TP73: variants seen among roughly 807,000 people sequenced by gnomAD.
The protein encoded by TP73 is tumor protein p73, also known as p53-like transcription factor.
Under a neutral mutation model 62.5 loss-of-function variants are expected in TP73, and 25 were observed. That is an observed-to-expected ratio of 0.40 (90% confidence interval 0.29 to 0.56). The LOEUF is 0.56. TP73 is among the 20% of genes least tolerant of loss of function. The pLI, the probability that TP73 is intolerant of heterozygous loss-of-function variation, is 0.46. For missense variants in TP73, 754 were observed against 913.3 expected (o/e 0.83, Z 2.25); for synonymous variants, 423 against 377.5 (o/e 1.12, Z -1.40).
chr1:3,695,232 G>A (rs530909385), intron 3 of TP73, among the ~76,000 whole-genome samples: 74 of 152,340 alleles, frequency 4.9e-4, no homozygotes, highest in African/African-American at 1.7e-3. Context: ...CGCTGGAGAC[G>A]TCGGAGCTGG....
intron 6 of TP73, among the ~76,000 whole-genome samples, chr1:3,726,148 GTGGATGGATGGT>G (rs1429891024): frequency 7.7e-6 from 1 of 130,220 alleles, no homozygotes; most frequent in East Asian, 2.4e-4. Flanking sequence ...GGATGGGTGG[GTGGATGGATGGT>G]TGGATGGATG....
At chr1:3,682,493 G>T (rs1645548639) in intron 2 of TP73, 63 bp downstream of exon 2, 1 of 1,378,516 alleles carries the variant, frequency 7.3e-7, no homozygotes, top group Non-Finnish European at 9.6e-7. Flanking sequence ...GCTAGCCTCA[G>T]CCACCTTCGC....
At chr1:3,681,366 G>A (rs945163225) in intron 1 of TP73, among the ~76,000 whole-genome samples, 9 of 152,292 alleles carry the variant, frequency 5.9e-5, no homozygotes, top group South Asian at 2.1e-4. Context: ...GGGTGGGCTC[G>A]GGTTTCCCTG....
intron 6 of TP73, among the ~76,000 whole-genome samples, chr1:3,724,560 G>A (rs1280289958): frequency 3.3e-5 from 5 of 152,218 alleles, no homozygotes; most frequent in Non-Finnish European, 7.3e-5. Flanking sequence ...CACCTGCCTA[G>A]GCCTGCCAGG....
chr1:3,707,917 C>T (rs1639809807), intron 4 of TP73, 126 bp downstream of exon 4: 1 of 1,438,620 alleles, frequency 7.0e-7, no homozygotes, highest in African/African-American at 1.4e-5. Flanking sequence ...CCCACCTGGC[C>T]CGGGCCAGGA....
chr1:3,724,514 G>T (rs1641347021), intron 6 of TP73, among the ~76,000 whole-genome samples: 1 of 152,126 alleles, frequency 6.6e-6, no homozygotes, highest in Non-Finnish European at 1.5e-5. Flanking sequence ...CAGAACCAGG[G>T]CCCGGGAGGG....
chr1:3,674,301 C>T (rs1210235162), intron 1 of TP73, among the ~76,000 whole-genome samples: 2 of 152,218 alleles, frequency 1.3e-5, no homozygotes, highest in Non-Finnish European at 2.9e-5. Flanking sequence ...GGGCCACGGC[C>T]CAGGAGAGAG....
At chr1:3,727,040 AGCTGGGGGCTG>A in intron 6 of TP73, 64 bp from the exon 7 acceptor site, 1 of 1,301,628 alleles carries the variant, frequency 7.7e-7, no homozygotes, top group Non-Finnish European at 1.1e-6. Flanking sequence ...CCAGACATGG[AGCTGGGGGCTG>A]CCACCTTAGT....
At chr1:3,657,896 AG>A (rs1457505101) in intron 1 of TP73, among the ~76,000 whole-genome samples, 1 of 133,188 alleles carries the variant, frequency 7.5e-6, no homozygotes, top group Non-Finnish European at 1.6e-5. Flanking sequence ...GCCCCCAGTT[AG>A]GGACAGAAAC....
At chr1:3,688,563 G>A (rs548554183) in intron 3 of TP73, among the ~76,000 whole-genome samples, 1 of 152,308 alleles carries the variant, frequency 6.6e-6, no homozygotes, top group South Asian at 2.1e-4. Flanking sequence ...AAAGCAGAAT[G>A]GAGGACCCAG....
Position 3,722,041 on chromosome 1 carries a change from A to G in TP73, c.450A>G (p.Lys150=), listed in dbSNP as rs1570603293. Residue 150 remains lysine (K), a synonymous_variant, in exon 5 of 14, where the codon AAA becomes AAG. Coordinates refer to ENST00000378295, the MANE Select transcript of TP73 (RefSeq NM_005427.4). ...ATWTYSPLLK[K]LYCQIAKTCP... is the part of the protein sequence containing the mutation. The stretch of plus-strand genomic sequence containing the variant: ...TCCAGTACTCCCCGCTCTTGAAGAA[A>G]CTCTACTGCCAGATCGCCAAGACAT... 2 of 1,608,020 alleles carry G rather than the reference A, an allele frequency of 1.2e-6. No homozygotes were observed. The highest frequency in any genetic ancestry group is 4.5e-5 in the East Asian group (2 of 44,702).
At position 3,732,976 on chromosome 1, in the gene TP73, G is replaced by GCGGCGGCCCTGA. The variant is rs1642255857; in HGVS notation, c.1811_1822dup (p.Gly604_Asp607dup). ...ACCATCCCCAACCGCGGCGGCCCAG[G>GCGGCGGCCCTGA]CGGCGGCCCTGACGAGTGGGCGGAC... On this transcript the variant is annotated inframe_insertion, in exon 14 of 14. Coordinates refer to ENST00000378295, the MANE Select transcript of TP73 (RefSeq NM_005427.4). The GCGGCGGCCCTGA allele has an allele frequency of 6.3e-7, 1 of 1,599,146 alleles. No individual in the cohort carries two copies.
Position 3,653,056 on chromosome 1 carries a change from C to T in TP73, c.-34+415C>T, listed in dbSNP as rs184600183. On this transcript the variant is annotated intron_variant, in intron 1 of 13. Transcript: ENST00000378295. Reference sequence around the variant, plus strand: ...GAAATCGCCAGCAAGCTCCTCCCCGCCCGCGCGCTCCCTCCGACCTGCAGG... The same window carrying T: ...GAAATCGCCAGCAAGCTCCTCCCCGTCCGCGCGCTCCCTCCGACCTGCAGG... Among the ~76,000 whole-genome samples, 1,184 of 152,344 alleles carry T rather than the reference C, an allele frequency of 7.8e-3. 16 individuals are homozygous for T. The highest frequency in any genetic ancestry group is 0.027 in the African/African-American group (1,120 of 41,580).
chr1:3,707,224 C>T (rs187227955), intron 3 of TP73, among the ~76,000 whole-genome samples: 11 of 152,284 alleles, frequency 7.2e-5, no homozygotes, highest in East Asian at 1.9e-4. Context: ...CAGTGAAGCC[C>T]GTGTGGGCAT....
chr1:3,707,633 G>A lies in TP73; in HGVS notation c.271G>A (p.Ala91Thr), dbSNP rs965318245. The A allele has an allele frequency of 1.1e-5, 18 of 1,612,742 alleles. No individual in the cohort carries two copies. The highest frequency in any genetic ancestry group is 1.6e-4 in the Middle Eastern group (1 of 6,084). ...SASPYTPEHA[A>T]SVPTHSPYAQ... Reference sequence around the variant, plus strand: ...CAGCCCCTACACCCCAGAGCACGCCGCCAGCGTGCCCACCCACTCGCCCTA... The same window carrying A: ...CAGCCCCTACACCCCAGAGCACGCCACCAGCGTGCCCACCCACTCGCCCTA... The change falls in exon 4 of 14, where the codon GCC becomes ACC. Residue 91 changes from alanine to threonine, a missense_variant. Physicochemically the swap from Ala to Thr is moderately conservative, Grantham distance 58. This residue lies in a region of TP73 where 235 missense variants were observed against 251.4 expected (regional missense o/e 0.93). Transcript: ENST00000378295.
intron 3 of TP73, among the ~76,000 whole-genome samples, chr1:3,687,449 G>A (rs1040224560): frequency 1.5e-4 from 23 of 152,334 alleles, no homozygotes; most frequent in African/African-American, 5.0e-4. Context: ...TGATGGTGGG[G>A]CGGGGGTCCT....
At chr1:3,720,022 T>TCTCCTGC (rs1305596512) in intron 4 of TP73, among the ~76,000 whole-genome samples, 1 of 151,526 alleles carries the variant, frequency 6.6e-6, no homozygotes, top group South Asian at 2.1e-4. Flanking sequence ...TTCAAGCGAT[T>TCTCCTGC]CTCCTGCCTC....
chr1:3,685,614 A>T (rs1645633645), intron 3 of TP73, among the ~76,000 whole-genome samples: 1 of 152,214 alleles, frequency 6.6e-6, no homozygotes, highest in Non-Finnish European at 1.5e-5. Context: ...AGCGCCAGGT[A>T]CAAAGACAGA....
At chr1:3,728,353 G>A (rs1282044302) in intron 9 of TP73, 136 bp downstream of exon 9, 7 of 844,628 alleles carry the variant, frequency 8.3e-6, no homozygotes, top group South Asian at 1.8e-5. Context: ...TGTGTGAGAG[G>A]GTCCAGAGGG....
Sources: allele counts gnomAD v4.1 joint callset (sites outside exome capture counted in the v4.1 genomes callset), GRCh38; gene constraint gnomAD v4.1.1; regional missense constraint gnomAD v4.1.1; transcripts MANE v1.5; gene names NCBI Gene and HGNC (gene_info 2026-07-23, HGNC 2026-07-21).